Variants in RAB22A observed in about 807,000 individuals in gnomAD.
The protein encoded by RAB22A is ras-related protein Rab-22A.
RAB22A carries 13 observed loss-of-function variants against 30.2 expected under a neutral mutation model. The ratio of observed to expected loss-of-function variants is 0.43; its 90% CI spans 0.28 to 0.68. RAB22A has a LOEUF of 0.68. Among genes scored for constraint, RAB22A ranks in the 30% least tolerant of loss-of-function variants. The probability of loss-of-function intolerance (pLI) is 0.18; values close to 1 mark genes in which losing one functional copy is unlikely to be tolerated. For synonymous variants in RAB22A, 89 were observed against 87.2 expected, an observed-to-expected ratio of 1.02 and a Z score of -0.11; for missense variants, 177 against 246.8, an observed-to-expected ratio of 0.72 and a Z score of 1.89.
At chr20:58,315,971 T>C (rs544899461) in intron 2 of RAB22A, among the ~76,000 whole-genome samples, 2 of 152,264 alleles carry the variant, frequency 1.3e-5, no homozygotes, top group African/African-American at 4.8e-5. Context: ...ATCTCTCCTG[T>C]GCTTCCTCCA....
Position 58,312,251 on chromosome 20 carries a change from C to T in RAB22A, c.116+1129C>T, listed in dbSNP as rs531678273. ...GTTACAGGCATGAGCTGCCACACCTCGCCTATGTGTTCAATATTTTTTGTC... is the reference window on the plus strand; with the variant it reads ...GTTACAGGCATGAGCTGCCACACCTTGCCTATGTGTTCAATATTTTTTGTC... On this transcript the variant is annotated intron_variant, in intron 2 of 6. Transcript: ENST00000244040. 4.6e-5 allele frequency among the ~76,000 whole-genome samples: 7 copies of T among 151,104 alleles called. No individual in the cohort carries two copies. In the South Asian group the frequency reaches 1.3e-3, roughly 27 times the overall value.
intron 2 of RAB22A, among the ~76,000 whole-genome samples, chr20:58,323,445 C>T (rs116558050): frequency 6.6e-6 from 1 of 151,648 alleles, no homozygotes. Flanking sequence ...TATTCTAATT[C>T]TTAAACATTT....
intron 2 of RAB22A, among the ~76,000 whole-genome samples, chr20:58,313,056 A>G (rs936120784): frequency 3.9e-5 from 6 of 152,144 alleles, no homozygotes; most frequent in African/African-American, 1.4e-4. Flanking sequence ...CTGAAAACCT[A>G]AAATCCACAA....
In RAB22A at chr20:58,354,160, G is replaced by A; in HGVS notation, c.382G>A (p.Val128Ile). 2 of 1,611,186 alleles carry A rather than the reference G, an allele frequency of 1.2e-6. No homozygotes were observed. The highest frequency in any genetic ancestry group is 1.7e-6 in the Non-Finnish European group (2 of 1,177,930). Residue 128 changes from valine to isoleucine, a missense_variant, in exon 6 of 7, where the codon GTC (valine) becomes ATC (isoleucine). Transcript: ENST00000244040. ...NKCDLIDVRE[V>I]MERDAKDYAD... The stretch of plus-strand genomic sequence containing the variant: ...TATGTAGTTGTTGCCTTCCAGAGAA[G>A]TCATGGAGAGAGATGCAAAGGACTA...
chr20:58,323,625 CT>C (rs564661032), intron 2 of RAB22A, among the ~76,000 whole-genome samples: 4 of 136,658 alleles, frequency 2.9e-5, no homozygotes, highest in South Asian at 2.3e-4. Context: ...TTTTTTTTTT[CT>C]TTTTTTTTCT....
In RAB22A at chr20:58,365,088, A is replaced by G. The variant is rs1464187816; in HGVS notation, c.*5385A>G. On this transcript the variant is annotated 3_prime_UTR_variant, in exon 7 of 7. Coordinates refer to ENST00000244040, the MANE Select transcript of RAB22A (RefSeq NM_020673.3). ...TAATTGACAGTTTTAAGCTGTAGAC[A>G]TTAATATTATAACAAACAAAACATG... is the stretch of plus-strand genomic sequence containing the variant. 6.6e-6 allele frequency: 1 copy of G among 152,152 alleles called. No individual in the cohort carries two copies. Among genetic ancestry groups the G allele is most frequent in the Non-Finnish European group, 1.5e-5 (1 of 68,024 alleles). 9.4% of individuals were successfully genotyped at this position (152,152 alleles called of 1,614,324 possible). A position where few individuals can be genotyped will look rare whatever the true frequency, so the allele number is the denominator to read the frequency against.
In RAB22A at chr20:58,322,955, A is replaced by G. The variant is rs372759354; in HGVS notation, c.116+11833A>G. 1.7e-3 allele frequency among the ~76,000 whole-genome samples: 263 copies of G among 152,270 alleles called. 1 individual carries two copies. The highest frequency in any genetic ancestry group is 6.0e-3 in the African/African-American group (251 of 41,538). ...GTCTTGGCTGTTCTTGACCTGTTTC[A>G]ATATAAACATTAAAATCATCTTGTC... On this transcript the variant is annotated intron_variant, in intron 2 of 6. Transcript: ENST00000244040.
At chr20:58,315,325 A>G (rs189303247) in intron 2 of RAB22A, among the ~76,000 whole-genome samples, 6 of 152,138 alleles carry the variant, frequency 3.9e-5, no homozygotes, top group Admixed American at 2.6e-4. Flanking sequence ...CTCCAAGCCC[A>G]TGCCTCCAAC....
intron 2 of RAB22A, 63 bp downstream of exon 2, chr20:58,311,185 G>T: frequency 3.6e-6 from 5 of 1,399,532 alleles, no homozygotes; most frequent in Non-Finnish European, 5.1e-6. Flanking sequence ...AATACATAGT[G>T]TGTTACAGGT....
At chr20:58,347,821 C>T (rs765266485) in intron 3 of RAB22A, among the ~76,000 whole-genome samples, 1 of 152,208 alleles carries the variant, frequency 6.6e-6, no homozygotes, top group African/African-American at 2.4e-5. Context: ...AACAAAGACT[C>T]CTGCAGTAGC....
intron 3 of RAB22A, among the ~76,000 whole-genome samples, chr20:58,352,516 C>T (rs1172650554): frequency 6.6e-6 from 1 of 152,180 alleles, no homozygotes; most frequent in Non-Finnish European, 1.5e-5. Flanking sequence ...TGCCCAAGAA[C>T]TGAGATTGAC....
At chr20:58,317,213 C>T (rs562734472) in intron 2 of RAB22A, among the ~76,000 whole-genome samples, 9 of 152,038 alleles carry the variant, frequency 5.9e-5, no homozygotes, top group South Asian at 2.1e-4. Context: ...TCTCCTGTTT[C>T]GACCTCCCGA....
At chr20:58,318,450 A>G (rs900738127) in intron 2 of RAB22A, among the ~76,000 whole-genome samples, 8 of 152,252 alleles carry the variant, frequency 5.3e-5, no homozygotes, top group Non-Finnish European at 1.0e-4. Context: ...TGACACTCAC[A>G]GGAAATGCCC....
At position 58,354,249 on chromosome 20, in the gene RAB22A, A is replaced by T; in HGVS notation, c.471A>T (p.Glu157Asp). 6.2e-7 allele frequency: 1 copy of T among 1,611,024 alleles called. No individual in the cohort carries two copies. The highest frequency in any genetic ancestry group is 2.2e-5 in the East Asian group (1 of 44,828). Residue 157 changes from glutamate to aspartate, a missense_variant, in exon 6 of 7, where the codon GAA becomes GAT. Transcript: ENST00000244040. ...TSAKNAININ[E>D]LFIEISRRIP... ...CAAAAAACGCGATAAACATAAATGAACTCTTTATAGAAATTAGTGAGTATC... is the reference window on the plus strand; with the variant it reads ...CAAAAAACGCGATAAACATAAATGATCTCTTTATAGAAATTAGTGAGTATC...
At chr20:58,355,123 G>C (rs1440295901) in intron 6 of RAB22A, among the ~76,000 whole-genome samples, 2 of 152,212 alleles carry the variant, frequency 1.3e-5, no homozygotes, top group Non-Finnish European at 2.9e-5. Context: ...AAAGCCGTCA[G>C]AGCAGGGTGG....
At chr20:58,323,466 A>T (rs149832641) in intron 2 of RAB22A, among the ~76,000 whole-genome samples, 2 of 152,100 alleles carry the variant, frequency 1.3e-5, no homozygotes, top group South Asian at 2.1e-4. Flanking sequence ...TACTTATTCT[A>T]TGAGATCAGG....
chr20:58,315,200 A>T (rs569689981), intron 2 of RAB22A, among the ~76,000 whole-genome samples: 7 of 152,214 alleles, frequency 4.6e-5, no homozygotes, highest in African/African-American at 1.4e-4. Flanking sequence ...TTCTCACTGC[A>T]GTCTCCTGGC....
At chr20:58,354,314 A>G in intron 6 of RAB22A, 49 bp downstream of exon 6, 2 of 1,279,622 alleles carry the variant, frequency 1.6e-6, no homozygotes, top group South Asian at 1.3e-5. Context: ...GCCGCTTAAC[A>G]CAGAATGATC....
intron 6 of RAB22A, among the ~76,000 whole-genome samples, chr20:58,356,180 G>T (rs1173861406): frequency 6.6e-6 from 1 of 152,062 alleles, no homozygotes; most frequent in Non-Finnish European, 1.5e-5. Context: ...GCGTGGTGGT[G>T]CATGCCTGTA....
Sources: gnomAD v4.1 joint callset for allele counts (sites outside exome capture counted in the v4.1 genomes callset) on GRCh38, gnomAD v4.1.1 for gene constraint, MANE v1.5 for transcripts, NCBI Gene and HGNC (gene_info 2026-07-23, HGNC 2026-07-21) for gene names.